Variants in BET1 observed in about 807,000 individuals in gnomAD.
BET1 encodes the protein BET1 homolog.
BET1 carries 9 observed loss-of-function variants against 13.9 expected under a neutral mutation model. That is an observed-to-expected ratio of 0.65 (90% confidence interval 0.39 to 1.13). BET1 has a LOEUF of 1.13. Among genes scored for constraint, BET1 ranks in the 50% most tolerant of loss-of-function variants. The pLI is 0.01. For synonymous variants in BET1, 39 were observed against 47.3 expected, an observed-to-expected ratio of 0.82 and a Z score of 0.72; for missense variants, 127 against 133.6, an observed-to-expected ratio of 0.95 and a Z score of 0.24.
At chr7:93,987,108 T>TC (rs897014675) in intron 4 of BET1, 3 of 152,078 alleles carry the variant, frequency 2.0e-5, no homozygotes, top group Non-Finnish European at 4.4e-5. Context: ...AAAAAGGGTT[T>TC]TTTTGTTTTT....
At chr7:93,995,376 T>C (rs1795740954) in intron 3 of BET1, among the ~76,000 whole-genome samples, 1 of 152,168 alleles carries the variant, frequency 6.6e-6, no homozygotes, top group African/African-American at 2.4e-5. Flanking sequence ...TATCCTGAGA[T>C]GTAAAAGCCC....
intron 2 of BET1, among the ~76,000 whole-genome samples, chr7:93,997,666 G>T (rs75931447): frequency 0.012 from 1,795 of 152,068 alleles, 29 homozygotes; most frequent in Admixed American, 0.05. Flanking sequence ...TATCAACATG[G>T]GCTTCTACTG....
At chr7:93,991,126 A>G (rs1795625605), downstream of BET1, among the ~76,000 whole-genome samples, 1 of 152,212 alleles carries the variant, frequency 6.6e-6, no homozygotes, top group Admixed American at 6.5e-5. Context: ...AGGAAGCCAG[A>G]GTAACAATAA....
At chr7:93,983,410 G>A (rs1795462492) in intron 4 of BET1, among the ~76,000 whole-genome samples, 1 of 151,940 alleles carries the variant, frequency 6.6e-6, no homozygotes, top group African/African-American at 2.4e-5. Context: ...TGATTCATGG[G>A]GGAAAATCTC....
downstream of BET1, chr7:93,992,935 G>A (rs10953105): frequency 0.03 from 29,792 of 985,318 alleles, 637 homozygotes; most frequent in East Asian, 0.15. Flanking sequence ...CTCAGTTCCG[G>A]TGGTTTTAAC....
Position 93,996,297 on chromosome 7 carries a change from C to A in BET1, c.169G>T (p.Val57Phe). The change falls in exon 3 of 4, where the codon GTT becomes TTT. Residue 57 changes from valine to phenylalanine, a missense_variant. Coordinates refer to ENST00000222547, the MANE Select transcript of BET1 (RefSeq NM_005868.6). ...KSLSIEIGHEVKTQNKLLAEM... is the reference protein window; with the variant it reads ...KSLSIEIGHEFKTQNKLLAEM... ...GCTAATAATTTATTCTGGGTTTTAA[C>A]TTCATGGCCTATTTCAATGGAAAGC... The A allele has an allele frequency of 6.3e-7, 1 of 1,579,054 alleles. No homozygotes were observed.
At chr7:93,989,382 G>A (rs568306705), downstream of BET1, among the ~76,000 whole-genome samples, 2 of 152,158 alleles carry the variant, frequency 1.3e-5, no homozygotes, top group African/African-American at 4.8e-5. Context: ...AAATAGATTT[G>A]TAGTTTCTTT....
intron 5 of BET1, among the ~76,000 whole-genome samples, chr7:93,972,999 C>T (rs1194064685): frequency 6.6e-6 from 1 of 151,792 alleles, no homozygotes; most frequent in Non-Finnish European, 1.5e-5. Context: ...ATTCTTTAGT[C>T]TTTCCAACTT....
At chr7:93,999,082 G>A in intron 2 of BET1, 88 bp downstream of exon 2, 4 of 1,031,794 alleles carry the variant, frequency 3.9e-6, no homozygotes, top group Non-Finnish European at 5.1e-6. Context: ...GAATTCCTTA[G>A]GATGACGTCA....
At chr7:93,999,937 T>C (rs1352903303) in intron 1 of BET1, among the ~76,000 whole-genome samples, 2 of 152,194 alleles carry the variant, frequency 1.3e-5, no homozygotes, top group Admixed American at 6.5e-5. Context: ...TTCTAGGTGC[T>C]ACTTTTATGG....
rs1795711585 is a variant in BET1 at position 93,994,329 on chromosome 7, C to T, written c.258G>A (p.Lys86=). Residue 86 remains lysine, a synonymous_variant, in exon 4 of 4, where the codon AAG becomes AAA. Transcript: ENST00000222547. ...TTGTTTGGCTCCCTCTGGATAAAAT[C>T]TTCAGTTTGCCCATAGTTTTACCTA... ...GFLGKTMGKL[K]ILSRGSQTKL... is the part of the protein sequence containing the mutation. 1 of 1,613,590 alleles carries T rather than the reference C, an allele frequency of 6.2e-7. No homozygotes were observed. The highest frequency in any genetic ancestry group is 1.7e-5 in the Admixed American group (1 of 59,956).
chr7:93,975,341 G>C (rs1189398619), intron 5 of BET1, among the ~76,000 whole-genome samples: 1 of 151,934 alleles, frequency 6.6e-6, no homozygotes, highest in Non-Finnish European at 1.5e-5. Flanking sequence ...AAAACAAGAA[G>C]TTTTTAAAAA....
chr7:93,991,524 G>C (rs930583675), downstream of BET1, among the ~76,000 whole-genome samples: 2 of 152,146 alleles, frequency 1.3e-5, no homozygotes, highest in Non-Finnish European at 2.9e-5. Flanking sequence ...GCTTGGAATC[G>C]AGTGTGGTGG....
chr7:93,967,885 C>G (rs189241954), intron 6 of BET1, among the ~76,000 whole-genome samples: 18 of 151,850 alleles, frequency 1.2e-4, no homozygotes, highest in Admixed American at 3.3e-4. Flanking sequence ...GAGTGTGTTT[C>G]TTTGCCCATA....
intron 6 of BET1, among the ~76,000 whole-genome samples, chr7:93,970,589 T>C (rs1478073582): frequency 6.6e-6 from 1 of 151,764 alleles, no homozygotes; most frequent in Non-Finnish European, 1.5e-5. Context: ...AGTATTAGAG[T>C]CAACTCTTTG....
chr7:94,004,227 G>T lies in BET1; in HGVS notation c.-11C>A. Reference sequence around the variant, plus strand: ...GCCTGCACGCCTCATCCTGCCAGAGGAGAGAGAGAAAAGGCGGGTGCGGGG... The same window carrying T: ...GCCTGCACGCCTCATCCTGCCAGAGTAGAGAGAGAAAAGGCGGGTGCGGGG... On this transcript the variant is annotated 5_prime_UTR_variant, in exon 1 of 4. Coordinates refer to ENST00000222547, the MANE Select transcript of BET1 (RefSeq NM_005868.6). 1.9e-6 allele frequency: 3 copies of T among 1,614,032 alleles called. No homozygotes were observed. The highest frequency in any genetic ancestry group is 4.5e-5 in the East Asian group (2 of 44,862).
downstream of BET1, among the ~76,000 whole-genome samples, chr7:93,991,124 A>G (rs958205565): frequency 6.6e-6 from 1 of 152,212 alleles, no homozygotes; most frequent in Non-Finnish European, 1.5e-5. Flanking sequence ...GGAGGAAGCC[A>G]GAGTAACAAT....
chr7:93,998,112 G>T (rs1242022287), intron 2 of BET1, among the ~76,000 whole-genome samples: 1 of 152,058 alleles, frequency 6.6e-6, no homozygotes, highest in Admixed American at 6.6e-5. Context: ...AGCATACAGA[G>T]GACACAAAGT....
At chr7:93,991,720 G>A, downstream of BET1, 1 of 855,400 alleles carries the variant, frequency 1.2e-6, no homozygotes, top group Non-Finnish European at 1.4e-6. Flanking sequence ...CAGGATTTAT[G>A]CTCAGGCAGT....
Sources: allele counts gnomAD v4.1 joint callset (sites outside exome capture counted in the v4.1 genomes callset), GRCh38; gene constraint gnomAD v4.1.1; transcripts MANE v1.5; gene names NCBI Gene and HGNC (gene_info 2026-07-23, HGNC 2026-07-21).